The following CELF4 variants were observed in gnomAD, a reference collection of about 807,000 sequenced individuals.
CELF4 encodes CUG-BP- and ETR-3-like factor 4.
In CELF4, 18 loss-of-function variants were observed where a neutral mutation model predicts 59.9. The ratio of observed to expected loss-of-function variants is 0.30; its 90% CI spans 0.21 to 0.45. The LOEUF (loss-of-function observed/expected upper bound fraction) is 0.45. Ranked by LOEUF, CELF4 falls within the 20% of genes least tolerant of loss-of-function variation. The pLI is 1.00. For missense variants in CELF4, 456 were observed against 689.0 expected, an observed-to-expected ratio of 0.66 and a Z score of 3.79; for synonymous variants, 261 against 267.1, an observed-to-expected ratio of 0.98 and a Z score of 0.22.
chr18:37,484,624 C>T (rs1325762556), intron 2 of CELF4, among the ~76,000 whole-genome samples: 2 of 152,210 alleles, frequency 1.3e-5, no homozygotes, highest in Non-Finnish European at 2.9e-5. Context: ...AGGCTGCCCC[C>T]GCCCGGGGTT....
intron 3 of CELF4, among the ~76,000 whole-genome samples, chr18:37,316,129 T>A (rs1272435951): frequency 6.6e-6 from 1 of 151,986 alleles, no homozygotes; most frequent in East Asian, 1.9e-4. Flanking sequence ...GACCCCAGCA[T>A]GGGGTCTTGG....
intron 2 of CELF4, among the ~76,000 whole-genome samples, chr18:37,372,534 C>T (rs7244975): frequency 0.23 from 34,836 of 151,948 alleles, 4,194 homozygotes; most frequent in East Asian, 0.32. Flanking sequence ...CTAATGTAAA[C>T]GACAAGTTAA....
intron 2 of CELF4, among the ~76,000 whole-genome samples, chr18:37,419,578 C>T (rs1306161417): frequency 6.6e-6 from 1 of 151,990 alleles, no homozygotes; most frequent in Non-Finnish European, 1.5e-5. Flanking sequence ...AGGGTGTGGT[C>T]AGGGGGAAGG....
chr18:37,309,510 G>A (rs1197273741), intron 3 of CELF4, among the ~76,000 whole-genome samples: 1 of 152,096 alleles, frequency 6.6e-6, no homozygotes, highest in East Asian at 1.9e-4. Flanking sequence ...GTCCCCATGT[G>A]CCTTGTCCTG....
At chr18:37,255,647 A>C (rs1438322950) in intron 11 of CELF4, among the ~76,000 whole-genome samples, 1 of 151,988 alleles carries the variant, frequency 6.6e-6, no homozygotes, top group Non-Finnish European at 1.5e-5. Context: ...AGTAAAAGTC[A>C]AGTACTTAGT....
At chr18:37,426,088 C>T (rs1226254345) in intron 2 of CELF4, among the ~76,000 whole-genome samples, 1 of 152,228 alleles carries the variant, frequency 6.6e-6, no homozygotes, top group African/African-American at 2.4e-5. Flanking sequence ...CCAACTCTGG[C>T]TATGGGCCTT....
intron 1 of CELF4, among the ~76,000 whole-genome samples, chr18:37,509,229 A>C (rs1304225109): frequency 6.6e-6 from 1 of 152,264 alleles, no homozygotes; most frequent in African/African-American, 2.4e-5. Context: ...TATCTATAGT[A>C]GACTCTAGAG....
At chr18:37,265,632 G>A (rs1408383858) in intron 9 of CELF4, among the ~76,000 whole-genome samples, 2 of 152,192 alleles carry the variant, frequency 1.3e-5, no homozygotes, top group African/African-American at 4.8e-5. Context: ...AGGGCCTGAG[G>A]TAGGACAGGA....
At chr18:37,491,209 G>A (rs1387240599) in intron 1 of CELF4, among the ~76,000 whole-genome samples, 3 of 142,984 alleles carry the variant, frequency 2.1e-5, no homozygotes, top group Admixed American at 7.0e-5. Context: ...TGAGAGGGAC[G>A]CCGTGCCCAC....
At chr18:37,497,104 T>C (rs1380441068) in intron 1 of CELF4, among the ~76,000 whole-genome samples, 1 of 152,038 alleles carries the variant, frequency 6.6e-6, no homozygotes, top group Non-Finnish European at 1.5e-5. Context: ...GCCTATGGGG[T>C]AAGACAGAGC....
chr18:37,379,160 G>A (rs2099006717), intron 2 of CELF4, among the ~76,000 whole-genome samples: 1 of 152,176 alleles, frequency 6.6e-6, no homozygotes, highest in South Asian at 2.1e-4. Context: ...GCCTGGCCTA[G>A]GCAGGCACCT....
chr18:37,342,303 T>G (rs928368258), intron 2 of CELF4, among the ~76,000 whole-genome samples: 3 of 151,382 alleles, frequency 2.0e-5, no homozygotes, highest in Admixed American at 6.6e-5. Context: ...TCCTCCCCAG[T>G]TTTCTGTTCC....
intron 2 of CELF4, among the ~76,000 whole-genome samples, chr18:37,445,466 G>A (rs1479504540): frequency 6.6e-6 from 1 of 151,996 alleles, no homozygotes; most frequent in Non-Finnish European, 1.5e-5. Context: ...TCACAGTGCT[G>A]GCATCCAAAT....
Position 37,299,094 on chromosome 18 carries a change from G to A in CELF4, c.448+22709C>T, listed in dbSNP as rs539288760. On this transcript the variant is annotated intron_variant, in intron 3 of 12. Transcript: ENST00000420428. ...GGCTAAGAGCAAGTAGGCAGGATCCGAGCAGGCAATGCTGGGCCAGGCAGA... is the reference window on the plus strand; with the variant it reads ...GGCTAAGAGCAAGTAGGCAGGATCCAAGCAGGCAATGCTGGGCCAGGCAGA... Among the ~76,000 whole-genome samples the A allele has an allele frequency of 1.1e-4, 16 of 152,282 alleles. No individual in the cohort carries two copies. The South Asian group carries it at 2.7e-3, about 26-fold the overall frequency.
At chr18:37,507,510 C>T (rs981396268) in intron 1 of CELF4, among the ~76,000 whole-genome samples, 13 of 152,212 alleles carry the variant, frequency 8.5e-5, no homozygotes, top group African/African-American at 3.1e-4. Context: ...CACTTCCTTG[C>T]TTTGAAATCC....
chr18:37,427,344 T>C (rs1267970753), intron 2 of CELF4, among the ~76,000 whole-genome samples: 1 of 152,144 alleles, frequency 6.6e-6, no homozygotes, highest in Non-Finnish European at 1.5e-5. Flanking sequence ...CCCCTCCCAA[T>C]GGACTCCCAT....
chr18:37,282,645 G>T (rs1239083222), intron 3 of CELF4, among the ~76,000 whole-genome samples: 1 of 152,188 alleles, frequency 6.6e-6, no homozygotes, highest in Non-Finnish European at 1.5e-5. Flanking sequence ...AGGGACAGGG[G>T]TCTGCACTCC....
chr18:37,473,041 C>T (rs1343447861), intron 2 of CELF4, among the ~76,000 whole-genome samples: 1 of 152,140 alleles, frequency 6.6e-6, no homozygotes, highest in Non-Finnish European at 1.5e-5. Context: ...CAGAGGCTCA[C>T]TACCTTGTGG....
intron 2 of CELF4, among the ~76,000 whole-genome samples, chr18:37,347,361 G>A (rs2098297905): frequency 1.3e-5 from 2 of 152,102 alleles, no homozygotes; most frequent in African/African-American, 2.4e-5. Flanking sequence ...ATGAAGCCGT[G>A]TCCCTCAATC....
Sources: gnomAD v4.1 joint callset for allele counts (sites outside exome capture counted in the v4.1 genomes callset) on GRCh38, gnomAD v4.1.1 for gene constraint, MANE v1.5 for transcripts, NCBI Gene and HGNC (gene_info 2026-07-23, HGNC 2026-07-21) for gene names.